Variants in SNTG1 observed in about 807,000 individuals in gnomAD.
SNTG1 encodes the protein syntrophin gamma 1, also known as gamma-1-syntrophin.
In SNTG1, 39 loss-of-function variants were observed where a neutral mutation model predicts 74.7. That is an observed-to-expected ratio of 0.52 (90% CI 0.40 to 0.68). The LOEUF (loss-of-function observed/expected upper bound fraction) is 0.68, where lower values mean the gene tolerates loss of function less well. Among genes scored for constraint, SNTG1 ranks in the 30% least tolerant of loss-of-function variants. The probability of loss-of-function intolerance (pLI) is 0.00; values close to 1 mark genes in which losing one functional copy is unlikely to be tolerated. For synonymous variants in SNTG1, 254 were observed against 217.1 expected, an observed-to-expected ratio of 1.17 and a Z score of -1.49; for missense variants, 685 against 609.5, an observed-to-expected ratio of 1.12 and a Z score of -1.30.
intron 4 of SNTG1, among the ~76,000 whole-genome samples, chr8:50,423,758 TGA>T (rs1321746462): frequency 6.6e-6 from 1 of 151,892 alleles, no homozygotes; most frequent in Admixed American, 6.6e-5. Context: ...ATAAAGCAAA[TGA>T]GAGATGTAAA....
chr8:50,276,835 T>C (rs2130368640), intron 2 of SNTG1, among the ~76,000 whole-genome samples: 1 of 152,024 alleles, frequency 6.6e-6, no homozygotes, highest in Non-Finnish European at 1.5e-5. Context: ...TGGTGCATTC[T>C]TTTTTTCTTT....
chr8:50,632,417 C>A (rs1190661993), intron 13 of SNTG1, among the ~76,000 whole-genome samples: 2 of 151,730 alleles, frequency 1.3e-5, no homozygotes, highest in South Asian at 2.1e-4. Context: ...TTTAAATGAA[C>A]CGTATGTCTC....
chr8:50,618,814 T>A (rs1375932680), intron 13 of SNTG1, among the ~76,000 whole-genome samples: 1 of 152,128 alleles, frequency 6.6e-6, no homozygotes, highest in African/African-American at 2.4e-5. Flanking sequence ...GAGTTCACAA[T>A]ATGGCTGTTT....
chr8:50,543,892 A>G (rs1167593624), intron 11 of SNTG1, among the ~76,000 whole-genome samples: 1 of 152,084 alleles, frequency 6.6e-6, no homozygotes, highest in Non-Finnish European at 1.5e-5. Flanking sequence ...GTATGTAGTG[A>G]CATGTCCCTG....
chr8:49,926,177 C>T (rs1052453220), intron 1 of SNTG1, among the ~76,000 whole-genome samples: 5 of 152,022 alleles, frequency 3.3e-5, no homozygotes, highest in African/African-American at 9.7e-5. Context: ...AATCAATAAA[C>T]TTCCCACACA....
At chr8:49,947,062 G>T (rs979771663) in intron 1 of SNTG1, among the ~76,000 whole-genome samples, 1 of 152,184 alleles carries the variant, frequency 6.6e-6, no homozygotes, top group African/African-American at 2.4e-5. Flanking sequence ...CACTTTGGGA[G>T]GCTGAGGTGG....
At chr8:50,680,852 G>A (rs906286013) in intron 15 of SNTG1, among the ~76,000 whole-genome samples, 2 of 152,058 alleles carry the variant, frequency 1.3e-5, no homozygotes, top group Non-Finnish European at 2.9e-5. Context: ...TAAATGACCC[G>A]CAGGTAAGCA....
At chr8:50,729,472 G>A (rs2095507723) in intron 17 of SNTG1, among the ~76,000 whole-genome samples, 1 of 152,098 alleles carries the variant, frequency 6.6e-6, no homozygotes, top group African/African-American at 2.4e-5. Context: ...TTCTTTCTTT[G>A]GAATAGACAC....
At chr8:50,493,663 G>A (rs2093878136) in intron 8 of SNTG1, among the ~76,000 whole-genome samples, 1 of 151,548 alleles carries the variant, frequency 6.6e-6, no homozygotes, top group Admixed American at 6.6e-5. Context: ...TTAAGATACA[G>A]CTTCTAAGGT....
intron 13 of SNTG1, among the ~76,000 whole-genome samples, chr8:50,618,949 G>T (rs1468747914): frequency 6.6e-6 from 1 of 151,852 alleles, no homozygotes; most frequent in Non-Finnish European, 1.5e-5. Flanking sequence ...GTAATTAAAT[G>T]ATCAAGTGAC....
intron 2 of SNTG1, among the ~76,000 whole-genome samples, chr8:50,383,505 T>C (rs1451711953): frequency 6.6e-6 from 1 of 152,164 alleles, no homozygotes; most frequent in African/African-American, 2.4e-5. Context: ...TATAACAAAA[T>C]GAGAAAGAAA....
At position 49,937,963 on chromosome 8, in the gene SNTG1, T is replaced by C. The variant is rs1808237763; in HGVS notation, c.-103+25732T>C. On this transcript the variant is annotated intron_variant, in intron 1 of 18. Transcript: ENST00000642720. The stretch of plus-strand genomic sequence containing the variant: ...CATAGTCATTGACTTGTCCCTCCCT[T>C]CTTTTCTTTATCCTATCAGTGATCA... Among the ~76,000 whole-genome samples, 2 of 152,034 alleles carry C rather than the reference T, an allele frequency of 1.3e-5. 1 individual carries two copies. The highest frequency in any genetic ancestry group is 4.8e-5 in the African/African-American group (2 of 41,384).
chr8:50,353,827 C>T (rs550778841), intron 2 of SNTG1, among the ~76,000 whole-genome samples: 16 of 152,282 alleles, frequency 1.1e-4, no homozygotes, highest in Non-Finnish European at 1.3e-4. Context: ...AATTGATCAA[C>T]GAAGACTGCA....
At chr8:49,922,681 A>G (rs989925854) in intron 1 of SNTG1, among the ~76,000 whole-genome samples, 9 of 152,148 alleles carry the variant, frequency 5.9e-5, no homozygotes, top group African/African-American at 2.2e-4. Flanking sequence ...TATATTTGGC[A>G]ATAATAGGCA....
chr8:50,188,350 T>C (rs2083456098), intron 2 of SNTG1, among the ~76,000 whole-genome samples: 1 of 152,094 alleles, frequency 6.6e-6, no homozygotes, highest in South Asian at 2.1e-4. Context: ...AACAACCAGG[T>C]GCACTCATCC....
chr8:49,984,353 G>T (rs1812959152), intron 1 of SNTG1, among the ~76,000 whole-genome samples: 1 of 151,904 alleles, frequency 6.6e-6, no homozygotes, highest in Non-Finnish European at 1.5e-5. Context: ...TTACAGGCAT[G>T]TGTTACCACT....
chr8:50,367,906 C>T (rs1306554218), intron 2 of SNTG1, among the ~76,000 whole-genome samples: 1 of 152,046 alleles, frequency 6.6e-6, no homozygotes, highest in Admixed American at 6.6e-5. Context: ...AAAATGTGGA[C>T]CTGGCTTGGC....
chr8:50,463,215 G>A lies in SNTG1; in HGVS notation c.363+12486G>A, dbSNP rs575749211. On this transcript the variant is annotated intron_variant, in intron 8 of 18. Transcript: ENST00000642720. ...CCCTCAAAGTCCTCCATGGGGGTTA[G>A]AATCAACTTTTTCCAAACTCCTGTT... Among the ~76,000 whole-genome samples, 20 of 152,228 alleles carry A rather than the reference G, an allele frequency of 1.3e-4. 1 individual carries two copies. The South Asian group carries it at 3.9e-3, about 30-fold the overall frequency.
intron 2 of SNTG1, among the ~76,000 whole-genome samples, chr8:50,250,765 G>A (rs1219816547): frequency 6.6e-6 from 1 of 151,972 alleles, no homozygotes; most frequent in East Asian, 1.9e-4. Flanking sequence ...CTATTCTTCA[G>A]AAACAGCAAA....
Sources: gnomAD v4.1 joint callset for allele counts (sites outside exome capture counted in the v4.1 genomes callset) on GRCh38, gnomAD v4.1.1 for gene constraint, MANE v1.5 for transcripts, NCBI Gene and HGNC (gene_info 2026-07-23, HGNC 2026-07-21) for gene names.